CACNA1B: variants seen among roughly 807,000 people sequenced by gnomAD.
The protein encoded by CACNA1B is voltage-dependent N-type calcium channel subunit alpha-1B.
A neutral mutation model predicts 247.2 loss-of-function variants in CACNA1B; 70 were observed. The ratio of observed to expected loss-of-function variants is 0.28; its 90% CI spans 0.23 to 0.35. The LOEUF (loss-of-function observed/expected upper bound fraction) is 0.35, where lower values mean the gene tolerates loss of function less well. Among genes scored for constraint, CACNA1B ranks in the 10% least tolerant of loss-of-function variants. The pLI is 1.00. For synonymous variants in CACNA1B, 1,231 were observed against 1,294.4 expected (o/e 0.95, Z 1.05); for missense variants, 2,367 against 3,197.4 (o/e 0.74, Z 6.26).
chr9:137,996,635 C>T (rs1036502557), intron 15 of CACNA1B, among the ~76,000 whole-genome samples: 1 of 151,998 alleles, frequency 6.6e-6, no homozygotes, highest in Non-Finnish European at 1.5e-5. Context: ...CACCTGTTCT[C>T]CCAAAATCTA....
intron 18 of CACNA1B, among the ~76,000 whole-genome samples, chr9:138,016,277 A>G (rs1167796899): frequency 6.6e-6 from 1 of 152,256 alleles, no homozygotes; most frequent in Non-Finnish European, 1.5e-5. Context: ...AAAGGCACAG[A>G]GAGCTTGGCC....
In CACNA1B at chr9:137,900,885, CTGTG is replaced by C. The variant is rs968134684; in HGVS notation, c.531-12289_531-12286del. Among the ~76,000 whole-genome samples the C allele has an allele frequency of 2.9e-5, 4 of 136,370 alleles. No individual in the cohort carries two copies. The Admixed American group carries it at 3.0e-4, about 10-fold the overall frequency. 89.5% of individuals were successfully genotyped at this position (136,370 alleles called of 152,430 possible). A position where few individuals can be genotyped will look rare whatever the true frequency, so the allele number is the denominator to read the frequency against. On this transcript the variant is annotated intron_variant, in intron 3 of 46. Transcript: ENST00000371372. ...TCTGTGTGTCCTTGTGTCCGTGTGT[CTGTG>C]TGTGTACCGTGTGTCCGTGTGTCTG...
In CACNA1B at chr9:137,971,970, G is replaced by A. The variant is rs1958156636; in HGVS notation, c.1543+378G>A. Reference sequence around the variant, plus strand: ...GAGAGGGCTTCAGACCCACAGACAGGGGACTTAGCCCCACGCTCCTTTCCA... The same window carrying A: ...GAGAGGGCTTCAGACCCACAGACAGAGGACTTAGCCCCACGCTCCTTTCCA... On this transcript the variant is annotated intron_variant, in intron 11 of 46. Transcript: ENST00000371372. The surrounding 1 kb of genome is among the most constrained non-coding windows in gnomAD (Gnocchi z 4.4). Among the ~76,000 whole-genome samples, 1 of 152,124 alleles carries A rather than the reference G, an allele frequency of 6.6e-6. No individual in the cohort carries two copies. The highest frequency in any genetic ancestry group is 6.5e-5 in the Admixed American group (1 of 15,284).
In CACNA1B at chr9:138,059,024, T is replaced by G; in HGVS notation, c.4474-55T>G. ...TTTGCTTGGTCATAGTGGTCCCAGA[T>G]GGGGTGTCTTGGGGCTGCCAAACCC... is the stretch of plus-strand genomic sequence containing the variant. On this transcript the variant is annotated intron_variant, in intron 29 of 46. Transcript: ENST00000371372. The surrounding 1 kb of genome is among the most constrained non-coding windows in gnomAD (Gnocchi z 4.2). 1 of 1,041,294 alleles carries G rather than the reference T, an allele frequency of 9.6e-7. No individual in the cohort carries two copies. The highest frequency in any genetic ancestry group is 1.3e-5 in the South Asian group (1 of 75,796). The allele number at this position is 1,041,294 out of a possible 1,614,324, so 64.5% of individuals were successfully genotyped here. A position where few individuals can be genotyped will look rare whatever the true frequency, so the allele number is the denominator to read the frequency against.
chr9:138,012,185 G>C lies in CACNA1B; in HGVS notation c.2161-944G>C, dbSNP rs7048794. ...GTGGGGGAGACAGGGAGAGGCTTCT[G>C]ACAGCCACAGCTGGGGAAATGGGGA... On this transcript the variant is annotated intron_variant, in intron 17 of 46. Transcript: ENST00000371372. The surrounding 1 kb of genome is among the most constrained non-coding windows in gnomAD (Gnocchi z 4.2). Among the ~76,000 whole-genome samples the C allele has an allele frequency of 0.34, 51,824 of 152,136 alleles. 13,411 individuals are homozygous for C. Among genetic ancestry groups the C allele is most frequent in the African/African-American group, 0.71 (29,564 of 41,494 alleles).
chr9:138,096,642 G>A (rs772042049), intron 37 of CACNA1B, 31 bp downstream of exon 37: 5 of 1,600,608 alleles, frequency 3.1e-6, no homozygotes, highest in Non-Finnish European at 3.4e-6. Flanking sequence ...TGTGGTCCTT[G>A]GGGGTGGTCC....
chr9:138,033,692 G>A (rs752566474), intron 20 of CACNA1B, among the ~76,000 whole-genome samples: 10 of 152,138 alleles, frequency 6.6e-5, no homozygotes, highest in Non-Finnish European at 1.0e-4. Flanking sequence ...AAATCATGGC[G>A]GTAGGCAAAG....
At chr9:137,897,545 A>T (rs1957186277) in intron 3 of CACNA1B, among the ~76,000 whole-genome samples, 1 of 152,194 alleles carries the variant, frequency 6.6e-6, no homozygotes, top group Non-Finnish European at 1.5e-5. Flanking sequence ...GTGCCACTGC[A>T]CTTCAACCTG....
Position 138,012,114 on chromosome 9 carries a change from A to C in CACNA1B, c.2161-1015A>C, listed in dbSNP as rs1290091754. 6.6e-6 allele frequency among the ~76,000 whole-genome samples: 1 copy of C among 152,230 alleles called. No individual in the cohort carries two copies. The highest frequency in any genetic ancestry group is 1.5e-5 in the Non-Finnish European group (1 of 68,044). On this transcript the variant is annotated intron_variant, in intron 17 of 46. Transcript: ENST00000371372. The surrounding 1 kb of genome is among the most constrained non-coding windows in gnomAD (Gnocchi z 4.2). ...GCACATGCCCAGCCCTGAGGGCAGG[A>C]GCCATGTGAAGTTCAGGGCCAGGCA...
Position 137,971,316 on chromosome 9 carries a change from G to T in CACNA1B, c.1334-67G>T. ...GTGTCCTCCAGAGTGCGTCTGTGGG[G>T]GTCCACAGGTGGGGTAGGCGGGTGC... On this transcript the variant is annotated intron_variant, in intron 10 of 46. Transcript: ENST00000371372. This position sits in a 1 kb window ranked among gnomAD's most constrained non-coding sequence, Gnocchi z 4.4. 2.6e-6 allele frequency: 3 copies of T among 1,155,698 alleles called. No homozygotes were observed. The highest frequency in any genetic ancestry group is 2.0e-5 in the Admixed American group (1 of 50,350). The allele number at this position is 1,155,698 out of a possible 1,614,324, so 71.6% of individuals were successfully genotyped here. A position where few individuals can be genotyped will look rare whatever the true frequency, so the allele number is the denominator to read the frequency against.
intron 16 of CACNA1B, 57 bp from the exon 17 acceptor site, chr9:138,009,953 C>T: frequency 7.4e-7 from 1 of 1,358,090 alleles, no homozygotes; most frequent in Non-Finnish European, 1.1e-6. Context: ...GGGGAAGCTG[C>T]AGTGTGACTG....
chr9:137,883,532 A>G (rs1208534881), intron 3 of CACNA1B, among the ~76,000 whole-genome samples: 1 of 150,710 alleles, frequency 6.6e-6, no homozygotes, highest in Non-Finnish European at 1.5e-5. Context: ...GCTCAGGTCC[A>G]GTGCTCTGCA....
At chr9:137,924,005 T>C (rs949127664) in intron 6 of CACNA1B, among the ~76,000 whole-genome samples, 5 of 152,228 alleles carry the variant, frequency 3.3e-5, no homozygotes, top group Non-Finnish European at 7.3e-5. Flanking sequence ...TTCTAGGAAC[T>C]GGTTCTTTGT....
In CACNA1B at chr9:137,888,943, A is replaced by G. The variant is rs1957056221; in HGVS notation, c.530+6060A>G. On this transcript the variant is annotated intron_variant, in intron 3 of 46. Coordinates refer to ENST00000371372, the MANE Select transcript of CACNA1B (RefSeq NM_000718.4). This position sits in a 1 kb window ranked among gnomAD's most constrained non-coding sequence, Gnocchi z 4.7. ...TGTGCAAGTGTGCGGCTCAGGGATG[A>G]CCTGACGCTGTGTCTGAAAACAGGT... 7.1e-6 allele frequency among the ~76,000 whole-genome samples: 1 copy of G among 141,542 alleles called. No homozygotes were observed. The highest frequency in any genetic ancestry group is 2.5e-5 in the African/African-American group (1 of 40,524). The allele number at this position is 141,542 out of a possible 152,430, so 92.9% of individuals were successfully genotyped here.
intron 39 of CACNA1B, among the ~76,000 whole-genome samples, chr9:138,110,495 G>A (rs1231373505): frequency 6.6e-6 from 1 of 152,150 alleles, no homozygotes; most frequent in Admixed American, 6.6e-5. Flanking sequence ...TGAGAGAAGA[G>A]GTGGGAAGAT....
rs1956904752 is a variant in CACNA1B at position 137,880,619 on chromosome 9, A to G, written c.390+1460A>G. ...GTGTGGGAGGGTTTACTTTGTGGTCATAGGTTGGGGAGGACACTTCTAGGA... is the reference window on the plus strand; with the variant it reads ...GTGTGGGAGGGTTTACTTTGTGGTCGTAGGTTGGGGAGGACACTTCTAGGA... On this transcript the variant is annotated intron_variant, in intron 2 of 46. Coordinates refer to ENST00000371372, the MANE Select transcript of CACNA1B (RefSeq NM_000718.4). This position sits in a 1 kb window ranked among gnomAD's most constrained non-coding sequence, Gnocchi z 4.8. 6.6e-6 allele frequency among the ~76,000 whole-genome samples: 1 copy of G among 152,156 alleles called. No individual in the cohort carries two copies. Among genetic ancestry groups the G allele is most frequent in the Non-Finnish European group, 1.5e-5 (1 of 68,008 alleles).
At chr9:138,114,028 G>A (rs574661692) in intron 40 of CACNA1B, among the ~76,000 whole-genome samples, 8 of 152,074 alleles carry the variant, frequency 5.3e-5, no homozygotes, top group African/African-American at 1.9e-4. Context: ...TGTGGGAGAC[G>A]TGAGGGAGCG....
intron 6 of CACNA1B, among the ~76,000 whole-genome samples, chr9:137,933,890 G>A (rs1367214369): frequency 1.3e-5 from 2 of 151,398 alleles, no homozygotes; most frequent in Non-Finnish European, 2.9e-5. Flanking sequence ...GACCATTATG[G>A]AACAAAAAAA....
chr9:137,975,790 C>T, intron 11 of CACNA1B, 117 bp from the exon 12 acceptor site: 1 of 710,006 alleles, frequency 1.4e-6, no homozygotes. Context: ...GACCATAGGC[C>T]AGGCCTGGAA....
Sources: gnomAD v4.1 joint callset for allele counts (sites outside exome capture counted in the v4.1 genomes callset) on GRCh38, gnomAD v4.1.1 for gene constraint, Gnocchi (gnomAD v3.1) non-coding constraint, MANE v1.5 for transcripts, NCBI Gene and HGNC (gene_info 2026-07-23, HGNC 2026-07-21) for gene names.